The following DGKB variants were observed in gnomAD, a reference collection of about 807,000 sequenced individuals.
The protein encoded by DGKB is 90 kDa diacylglycerol kinase.
DGKB carries 67 observed loss-of-function variants against 114.3 expected under a neutral mutation model. The ratio of observed to expected loss-of-function variants is 0.59; its 90% CI spans 0.48 to 0.72. The LOEUF (loss-of-function observed/expected upper bound fraction) is 0.72. Ranked by LOEUF, DGKB falls within the 30% of genes least tolerant of loss-of-function variation. The pLI is 0.00. For missense variants in DGKB, 907 were observed against 975.2 expected (o/e 0.93, Z 0.93); for synonymous variants, 398 against 323.1 (o/e 1.23, Z -2.49).
intron 20 of DGKB, among the ~76,000 whole-genome samples, chr7:14,524,765 A>C (rs1790372316): frequency 6.6e-6 from 1 of 152,134 alleles, no homozygotes. Context: ...TCAAAAAAAA[A>C]AAAAAAAAGA....
chr7:14,594,356 T>A (rs1338707691), intron 17 of DGKB, among the ~76,000 whole-genome samples: 1 of 152,060 alleles, frequency 6.6e-6, no homozygotes, highest in Non-Finnish European at 1.5e-5. Context: ...CATATATATA[T>A]GTTTGGAAAT....
intron 1 of DGKB, among the ~76,000 whole-genome samples, chr7:14,970,206 A>G (rs1010399322): frequency 6.6e-6 from 1 of 152,190 alleles, no homozygotes; most frequent in Non-Finnish European, 1.5e-5. Flanking sequence ...GCTGCTACCA[A>G]TGATGATAAT....
intron 19 of DGKB, among the ~76,000 whole-genome samples, chr7:14,577,428 T>C (rs537328318): frequency 1.4e-4 from 21 of 152,204 alleles, no homozygotes; most frequent in South Asian, 1.0e-3. Context: ...CCATTCTGGC[T>C]AACACGGTGA....
rs116949193 is a variant in DGKB, at chr7:14,545,520, T to C, written c.1770+28692A>G. On this transcript the variant is annotated intron_variant, in intron 20 of 25. Coordinates refer to ENST00000402815, the MANE Select transcript of DGKB (RefSeq NM_001350709.2). Reference sequence around the variant, plus strand: ...AAAATGACATGTATTACGAGATGTCTACATCAGATGTGGCCAAAGAGGATA... The same window carrying C: ...AAAATGACATGTATTACGAGATGTCCACATCAGATGTGGCCAAAGAGGATA... 7.0e-3 allele frequency among the ~76,000 whole-genome samples: 1,066 copies of C among 152,318 alleles called. 14 individuals are homozygous for C. The highest frequency in any genetic ancestry group is 0.031 in the South Asian group (152 of 4,826).
At position 14,149,132 on chromosome 7, in the gene DGKB, T is replaced by C. The variant is rs756965005; in HGVS notation, c.2411A>G (p.Ter804=). ...VKRTRNRSKE[*] is the part of the protein sequence containing the mutation. ...TTCTAAGAGTGAAACAACACAGGAT[T>C]ATTCCTTGCTTCGGTTTCTTGTCCT... The change falls in exon 26 of 26, where the codon TAA becomes TGA. Residue 804 remains the stop codon, a stop_retained_variant. Coordinates refer to ENST00000402815, the MANE Select transcript of DGKB (RefSeq NM_001350709.2). The C allele has an allele frequency of 2.2e-5, 36 of 1,612,554 alleles. 1 individual carries two copies.
intron 23 of DGKB, among the ~76,000 whole-genome samples, chr7:14,306,332 G>A (rs1411406173): frequency 1.3e-5 from 2 of 152,048 alleles, no homozygotes; most frequent in Admixed American, 6.6e-5. Flanking sequence ...AAAAACATTA[G>A]GGGAAAAGCA....
intron 23 of DGKB, among the ~76,000 whole-genome samples, chr7:14,330,415 G>T: frequency 6.6e-6 from 1 of 151,780 alleles, no homozygotes; most frequent in African/African-American, 2.4e-5. Context: ...TTTCTTTTCA[G>T]GAATGAACAA....
chr7:14,689,462 C>T (rs116732915), intron 9 of DGKB, among the ~76,000 whole-genome samples: 1 of 152,172 alleles, frequency 6.6e-6, no homozygotes, highest in Non-Finnish European at 1.5e-5. Flanking sequence ...TGAGCCACCG[C>T]GCCCGGCCGA....
At chr7:14,278,888 C>G (rs1308751124) in intron 23 of DGKB, among the ~76,000 whole-genome samples, 1 of 151,962 alleles carries the variant, frequency 6.6e-6, no homozygotes, top group African/African-American at 2.4e-5. Flanking sequence ...CCAAGACGGC[C>G]GAATAGGAAC....
chr7:14,754,272 ACTAGATCAAT>A (rs1834543470), intron 3 of DGKB, among the ~76,000 whole-genome samples: 1 of 152,148 alleles, frequency 6.6e-6, no homozygotes, highest in Admixed American at 6.6e-5. Context: ...AGAATCAATG[ACTAGATCAAT>A]CTTTGTATAT....
At chr7:14,469,607 A>G (rs1376250830) in intron 21 of DGKB, among the ~76,000 whole-genome samples, 5 of 152,012 alleles carry the variant, frequency 3.3e-5, no homozygotes, top group Non-Finnish European at 7.4e-5. Flanking sequence ...TAATGGTGCC[A>G]AGAAATGATG....
chr7:14,915,658 G>T (rs527279468), intron 1 of DGKB, among the ~76,000 whole-genome samples: 12 of 152,160 alleles, frequency 7.9e-5, no homozygotes, highest in African/African-American at 2.9e-4. Flanking sequence ...AGAAAGTGGA[G>T]ACAAGTATTT....
chr7:14,904,844 A>T (rs1783601512), upstream of DGKB, among the ~76,000 whole-genome samples: 1 of 152,140 alleles, frequency 6.6e-6, no homozygotes, highest in Non-Finnish European at 1.5e-5. Context: ...ATACTTGTGT[A>T]CACTGCAGTG....
chr7:14,801,136 A>G (rs981041274), intron 2 of DGKB, among the ~76,000 whole-genome samples: 2 of 152,152 alleles, frequency 1.3e-5, no homozygotes, highest in Admixed American at 6.6e-5. Context: ...ATCATGTGGC[A>G]TAAGACGTAT....
At chr7:14,530,687 G>A (rs1791439629) in intron 20 of DGKB, among the ~76,000 whole-genome samples, 1 of 151,388 alleles carries the variant, frequency 6.6e-6, no homozygotes, top group African/African-American at 2.4e-5. Context: ...GATATAGCAA[G>A]GTAGTTCAAA....
At chr7:14,919,075 CACACACACACACACACACAA>C (rs1381287550) in intron 1 of DGKB, among the ~76,000 whole-genome samples, 79 of 125,622 alleles carry the variant, frequency 6.3e-4, no homozygotes, top group African/African-American at 2.2e-3. Flanking sequence ...CACACACACA[CACACACACACACACACACAA>C]ACACACACAC....
intron 21 of DGKB, among the ~76,000 whole-genome samples, chr7:14,475,691 G>A (rs781193408): frequency 3.2e-4 from 48 of 152,160 alleles, no homozygotes; most frequent in Middle Eastern, 3.4e-3. Context: ...GTTCATTCAT[G>A]ACTCAAATTT....
intron 23 of DGKB, among the ~76,000 whole-genome samples, chr7:14,338,272 G>T (rs1483318845): frequency 2.0e-5 from 3 of 151,902 alleles, no homozygotes; most frequent in Admixed American, 2.0e-4. Flanking sequence ...TACCCCAAAT[G>T]TATTTTATTT....
chr7:14,223,485 C>A (rs1305701893), intron 23 of DGKB, among the ~76,000 whole-genome samples: 1 of 151,662 alleles, frequency 6.6e-6, no homozygotes, highest in Non-Finnish European at 1.5e-5. Flanking sequence ...TACATTATTA[C>A]ATTATATAAT....
Sources: allele counts gnomAD v4.1 joint callset (sites outside exome capture counted in the v4.1 genomes callset), GRCh38; gene constraint gnomAD v4.1.1; transcripts MANE v1.5; gene names NCBI Gene and HGNC (gene_info 2026-07-23, HGNC 2026-07-21).